CNTN4: variants seen among roughly 807,000 people sequenced by gnomAD.
CNTN4 encodes the protein contactin 4, also known as contactin-4.
CNTN4 carries 77 observed loss-of-function variants against 122.5 expected under a neutral mutation model. The ratio of observed to expected loss-of-function variants is 0.63; its 90% CI spans 0.52 to 0.76. The LOEUF (loss-of-function observed/expected upper bound fraction) is 0.76, where lower values mean the gene tolerates loss of function less well. Among genes scored for constraint, CNTN4 ranks in the 30% least tolerant of loss-of-function variants. The pLI is 0.00. For missense variants in CNTN4, 1,256 were observed against 1,259.1 expected (o/e 1.00, Z 0.04); for synonymous variants, 512 against 447.0 (o/e 1.15, Z -1.83).
At chr3:2,644,885 C>T (rs1039158796) in intron 4 of CNTN4, among the ~76,000 whole-genome samples, 2 of 149,824 alleles carry the variant, frequency 1.3e-5, no homozygotes, top group Non-Finnish European at 3.0e-5. Flanking sequence ...CTGCAAACAT[C>T]TAGTATTATT....
chr3:2,396,907 G>A (rs73804521), intron 3 of CNTN4, among the ~76,000 whole-genome samples: 406 of 152,200 alleles, frequency 2.7e-3, no homozygotes, highest in African/African-American at 8.6e-3. Context: ...GGTGTGTTAT[G>A]GGGTTTAGGA....
intron 2 of CNTN4, among the ~76,000 whole-genome samples, chr3:2,164,657 A>G (rs1178067819): frequency 1.3e-5 from 2 of 152,204 alleles, no homozygotes; most frequent in African/African-American, 4.8e-5. Flanking sequence ...TTCAAGGAAA[A>G]GAGAATTTGA....
At chr3:2,511,107 A>G (rs1482780444) in intron 3 of CNTN4, among the ~76,000 whole-genome samples, 1 of 152,044 alleles carries the variant, frequency 6.6e-6, no homozygotes, top group African/African-American at 2.4e-5. Flanking sequence ...GCTACCCACA[A>G]CCTTCTTGGG....
chr3:3,027,784 G>A (rs1384919827), intron 15 of CNTN4, among the ~76,000 whole-genome samples: 1 of 152,170 alleles, frequency 6.6e-6, no homozygotes, highest in African/African-American at 2.4e-5. Flanking sequence ...CTACCATTCA[G>A]ACACATGTAG....
At chr3:2,313,404 T>G (rs2042981600) in intron 2 of CNTN4, among the ~76,000 whole-genome samples, 1 of 152,060 alleles carries the variant, frequency 6.6e-6, no homozygotes, top group Non-Finnish European at 1.5e-5. Context: ...AAAGTTGTCA[T>G]TTTTACCTCC....
intron 3 of CNTN4, among the ~76,000 whole-genome samples, chr3:2,353,562 G>T (rs752813217): frequency 1.3e-5 from 2 of 152,144 alleles, no homozygotes; most frequent in Non-Finnish European, 2.9e-5. Flanking sequence ...CCTGAGGCCA[G>T]CGAGACCACG....
At position 2,329,615 on chromosome 3, in the gene CNTN4, A is replaced by G. The variant is rs1487098944; in HGVS notation, c.-144-9563A>G. On this transcript the variant is annotated intron_variant, in intron 2 of 24. Coordinates refer to ENST00000418658, the MANE Select transcript of CNTN4 (RefSeq NM_175607.3). ...CACTACAGTCTAGGAGCACCAGGGC[A>G]GTGCAGTACAAAAAACTCAAGTAGA... 2.0e-5 allele frequency among the ~76,000 whole-genome samples: 3 copies of G among 152,252 alleles called. No individual in the cohort carries two copies. In the East Asian group the frequency reaches 5.8e-4, roughly 29 times the overall value.
chr3:2,456,266 T>A (rs1385716532), intron 3 of CNTN4, among the ~76,000 whole-genome samples: 2 of 152,054 alleles, frequency 1.3e-5, no homozygotes, highest in Non-Finnish European at 1.5e-5. Context: ...GTCTTCCTCC[T>A]CCTCTCCCTT....
chr3:3,053,903 A>G lies in CNTN4; in HGVS notation c.2908A>G (p.Ile970Val). ...TTTGCCTTTCGATGAAGATTATATAATAGAAATTAAGCCATTCAGCGACGG... is the reference window on the plus strand; with the variant it reads ...TTTGCCTTTCGATGAAGATTATATAGTAGAAATTAAGCCATTCAGCGACGG... ...LSLPFDEDYIIEIKPFSDGGD... is the reference protein window; with the variant it reads ...LSLPFDEDYIVEIKPFSDGGD... The change falls in exon 24 of 25, where the codon ATA becomes GTA. Residue 970 changes from isoleucine to valine, a missense_variant. Ile to Val is a conservative substitution (Grantham distance 29). Coordinates refer to ENST00000418658, the MANE Select transcript of CNTN4 (RefSeq NM_175607.3). 6.2e-7 allele frequency: 1 copy of G among 1,614,170 alleles called. No homozygotes were observed. The highest frequency in any genetic ancestry group is 8.5e-7 in the Non-Finnish European group (1 of 1,179,994).
At chr3:2,377,943 A>C (rs1014944994) in intron 3 of CNTN4, among the ~76,000 whole-genome samples, 3 of 152,192 alleles carry the variant, frequency 2.0e-5, no homozygotes, top group African/African-American at 7.2e-5. Context: ...TTATTTTTCC[A>C]AAAGAGTGGA....
rs2094164945 is a variant in CNTN4, at chr3:2,900,830, G to GTC, written c.1077+10_1077+11insCT. Reference sequence around the variant, plus strand: ...AACCTCTGCTAACTCGGGTAAGCAAGTTAATGGTAATTGTGCCTTAGTCTT... The same window carrying GTC: ...AACCTCTGCTAACTCGGGTAAGCAAGTCTTAATGGTAATTGTGCCTTAGTCTT... On this transcript the variant is annotated intron_variant, in intron 11 of 24. Transcript: ENST00000418658. 1 of 1,613,662 alleles carries GTC rather than the reference G, an allele frequency of 6.2e-7. No individual in the cohort carries two copies. Among genetic ancestry groups the GTC allele is most frequent in the South Asian group, 1.1e-5 (1 of 91,086 alleles).
intron 3 of CNTN4, among the ~76,000 whole-genome samples, chr3:2,439,381 C>T (rs997982686): frequency 6.6e-6 from 1 of 152,148 alleles, no homozygotes; most frequent in African/African-American, 2.4e-5. Flanking sequence ...TTGGATCTGG[C>T]AAACCAGTGT....
At chr3:2,922,077 T>G (rs1228061018) in intron 12 of CNTN4, among the ~76,000 whole-genome samples, 1 of 152,142 alleles carries the variant, frequency 6.6e-6, no homozygotes, top group African/African-American at 2.4e-5. Context: ...ATGTGAGAAA[T>G]ATTATCATTT....
intron 2 of CNTN4, among the ~76,000 whole-genome samples, chr3:2,147,365 CAAATT>C (rs904612653): frequency 5.4e-4 from 81 of 150,330 alleles, no homozygotes; most frequent in African/African-American, 1.9e-3. Context: ...AAAATAAAAA[CAAATT>C]AAAAATAGCA....
At chr3:2,332,409 GTCTTT>G (rs1035964650) in intron 2 of CNTN4, among the ~76,000 whole-genome samples, 2 of 151,978 alleles carry the variant, frequency 1.3e-5, no homozygotes, top group Non-Finnish European at 2.9e-5. Flanking sequence ...TTTCAACTTA[GTCTTT>G]TCTTTAATTT....
At chr3:2,645,400 G>A (rs1373831489) in intron 4 of CNTN4, among the ~76,000 whole-genome samples, 1 of 152,104 alleles carries the variant, frequency 6.6e-6, no homozygotes, top group Non-Finnish European at 1.5e-5. Flanking sequence ...GACAATTTTT[G>A]CTGGGCTACA....
intron 14 of CNTN4, among the ~76,000 whole-genome samples, chr3:3,009,710 G>A (rs1456012378): frequency 6.6e-6 from 1 of 152,186 alleles, no homozygotes; most frequent in East Asian, 1.9e-4. Context: ...TGGGATTACA[G>A]GCGTGAGCCA....
In CNTN4 at chr3:2,816,309, G is replaced by C. The variant is rs561046443; in HGVS notation, c.359-3177G>C. Among the ~76,000 whole-genome samples, 47 of 148,898 alleles carry C rather than the reference G, an allele frequency of 3.2e-4. 1 individual carries two copies. Among genetic ancestry groups the C allele is most frequent in the African/African-American group, 1.2e-3 (45 of 38,626 alleles). On this transcript the variant is annotated intron_variant, in intron 6 of 24. Transcript: ENST00000418658. ...GCAGAGCTTGCAATGAGCCGAGATC[G>C]TGGCACTGCACTCCAGCCTGGGCGA...
intron 2 of CNTN4, among the ~76,000 whole-genome samples, chr3:2,190,426 T>G (rs1379120276): frequency 6.6e-6 from 1 of 151,722 alleles, no homozygotes; most frequent in Non-Finnish European, 1.5e-5. Context: ...GAAAATAAAA[T>G]AGATAAAATG....
Sources: gnomAD v4.1 joint callset for allele counts (sites outside exome capture counted in the v4.1 genomes callset) on GRCh38, gnomAD v4.1.1 for gene constraint, MANE v1.5 for transcripts, NCBI Gene and HGNC (gene_info 2026-07-23, HGNC 2026-07-21) for gene names.